Variants in PTK2 observed in about 807,000 individuals in gnomAD.
The protein encoded by PTK2 is focal adhesion kinase 1.
Under a neutral mutation model 150.1 loss-of-function variants are expected in PTK2, and 45 were observed. That is an observed-to-expected ratio of 0.30 (90% CI 0.24 to 0.38). PTK2 has a LOEUF of 0.38. PTK2 is among the 10% of genes least tolerant of loss of function. The probability of loss-of-function intolerance (pLI) is 1.00; values close to 1 mark genes in which losing one functional copy is unlikely to be tolerated. For synonymous variants in PTK2, 432 were observed against 449.2 expected, an observed-to-expected ratio of 0.96 and a Z score of 0.48; for missense variants, 919 against 1,307.3, an observed-to-expected ratio of 0.70 and a Z score of 4.58.
intron 10 of PTK2, among the ~76,000 whole-genome samples, chr8:140,817,580 C>T (rs993114808): frequency 2.6e-5 from 4 of 152,186 alleles, no homozygotes; most frequent in African/African-American, 9.7e-5. Flanking sequence ...TACTTTTCAT[C>T]TCGGTACTTA....
chr8:140,757,335 C>G (rs768201329), intron 16 of PTK2, among the ~76,000 whole-genome samples: 76 of 152,074 alleles, frequency 5.0e-4, no homozygotes, highest in Middle Eastern at 3.4e-3. Flanking sequence ...TACTTTGCCT[C>G]AAAGGGCAGA....
intron 10 of PTK2, among the ~76,000 whole-genome samples, chr8:140,807,836 C>T (rs971621972): frequency 6.6e-6 from 1 of 152,176 alleles, no homozygotes; most frequent in Non-Finnish European, 1.5e-5. Flanking sequence ...AGGCTTACAT[C>T]GTATTGCTGT....
At chr8:140,818,782 CAA>C (rs1277986242) in intron 9 of PTK2, 96 bp downstream of exon 9, 6 of 1,296,814 alleles carry the variant, frequency 4.6e-6, no homozygotes, top group Admixed American at 5.3e-5. Context: ...AAAAATGGGA[CAA>C]GTTAGCATTT....
chr8:140,700,487 GTTTT>G (rs199884182), intron 26 of PTK2, among the ~76,000 whole-genome samples: 1 of 140,340 alleles, frequency 7.1e-6, no homozygotes, highest in Non-Finnish European at 1.6e-5. Flanking sequence ...ATTTCAAGTA[GTTTT>G]TTTTTTTTTT....
intron 17 of PTK2, among the ~76,000 whole-genome samples, chr8:140,749,159 C>T (rs1300756042): frequency 6.6e-6 from 1 of 151,972 alleles, no homozygotes; most frequent in Non-Finnish European, 1.5e-5. Flanking sequence ...TTTTTTTCAA[C>T]AAACATCACC....
At chr8:140,796,366 C>A (rs1035043882) in intron 12 of PTK2, among the ~76,000 whole-genome samples, 1 of 152,134 alleles carries the variant, frequency 6.6e-6, no homozygotes, top group African/African-American at 2.4e-5. Context: ...TTTAGAGTAA[C>A]TGAAAAGTCC....
In PTK2 at chr8:140,924,841, C is replaced by T. The variant is rs79853287; in HGVS notation, c.-33+820G>A. 9.7e-3 allele frequency among the ~76,000 whole-genome samples: 1,481 copies of T among 152,156 alleles called. 28 individuals are homozygous for T. Among genetic ancestry groups the T allele is most frequent in the East Asian group, 0.094 (485 of 5,178 alleles). On this transcript the variant is annotated intron_variant, in intron 2 of 31. Coordinates refer to ENST00000522684, the Ensembl canonical transcript of PTK2. ...ACTGATACTATTAAAACTTTCACCG[C>T]AAATTTTAATAGAGCACAAATGAAA...
chr8:140,896,620 A>G (rs1367801581), intron 2 of PTK2, among the ~76,000 whole-genome samples: 2 of 152,252 alleles, frequency 1.3e-5, no homozygotes, highest in Non-Finnish European at 2.9e-5. Flanking sequence ...GAGATTTCAT[A>G]TATCTGACAA....
chr8:140,908,729 G>A (rs146761896), intron 2 of PTK2, among the ~76,000 whole-genome samples: 1 of 152,198 alleles, frequency 6.6e-6, no homozygotes, highest in East Asian at 1.9e-4. Context: ...CCTCAGAAGG[G>A]GCCAATTCTC....
intron 28 of PTK2, among the ~76,000 whole-genome samples, chr8:140,674,934 T>C (rs937151675): frequency 3.5e-5 from 5 of 143,046 alleles, no homozygotes; most frequent in Non-Finnish European, 7.6e-5. Context: ...TAGCCAGGCA[T>C]GGTGGTGTGC....
chr8:140,789,428 AC>A, intron 14 of PTK2, 45 bp downstream of exon 14: 1 of 1,586,064 alleles, frequency 6.3e-7, no homozygotes, highest in Non-Finnish European at 8.6e-7. Flanking sequence ...TGATCGTCTT[AC>A]CCCATGAGAG....
chr8:140,960,539 C>T lies in PTK2; in HGVS notation c.-121-34790G>A, dbSNP rs556317042. ...AACCCTTAAAAAAAGAATAAGTAAT[C>T]AAGGCAAGATAAACTAGGATGAATC... On this transcript the variant is annotated intron_variant, in intron 1 of 31. Coordinates refer to ENST00000522684, the Ensembl canonical transcript of PTK2. Among the ~76,000 whole-genome samples the T allele has an allele frequency of 1.4e-3, 215 of 152,112 alleles. 1 individual carries two copies. Among genetic ancestry groups the T allele is most frequent in the African/African-American group, 5.0e-3 (209 of 41,506 alleles).
intron 14 of PTK2, among the ~76,000 whole-genome samples, chr8:140,784,126 C>G (rs2100083475): frequency 6.6e-6 from 1 of 152,324 alleles, no homozygotes; most frequent in South Asian, 2.1e-4. Context: ...GATCACACCA[C>G]TGCATTCCAG....
chr8:140,802,119 A>G (rs1261542823), intron 11 of PTK2, among the ~76,000 whole-genome samples: 1 of 151,994 alleles, frequency 6.6e-6, no homozygotes, highest in Non-Finnish European at 1.5e-5. Context: ...AGCCTCAGGC[A>G]GGGCTTCTAG....
chr8:140,691,562 C>T (rs2100023230), intron 26 of PTK2, among the ~76,000 whole-genome samples: 1 of 152,194 alleles, frequency 6.6e-6, no homozygotes, highest in African/African-American at 2.4e-5. Flanking sequence ...TCCATGAAGA[C>T]AGAGGCTATG....
chr8:140,990,106 G>C (rs1387743369), intron 1 of PTK2, among the ~76,000 whole-genome samples: 1 of 152,030 alleles, frequency 6.6e-6, no homozygotes, highest in Non-Finnish European at 1.5e-5. Flanking sequence ...ACAAGTAACA[G>C]AAGAATCACT....
At position 140,873,496 on chromosome 8, in the gene PTK2, C is replaced by T. The variant is rs539133186; in HGVS notation, c.362+5975G>A. ...TTTTTCTGTTTTTGAGACGGAGTCT[C>T]GCTCTGTCGCCTAGGCTGGAGTGGA... On this transcript the variant is annotated intron_variant, in intron 4 of 31. Transcript: ENST00000522684. Among the ~76,000 whole-genome samples the T allele has an allele frequency of 4.6e-5, 7 of 152,040 alleles. No individual in the cohort carries two copies. In the South Asian group the frequency reaches 8.3e-4, roughly 18 times the overall value.
chr8:140,673,666 C>T (rs781133230), intron 29 of PTK2, among the ~76,000 whole-genome samples: 48 of 152,144 alleles, frequency 3.2e-4, no homozygotes, highest in Non-Finnish European at 6.6e-4. Flanking sequence ...CTAGTGGCTC[C>T]AGCACTCGGT....
intron 1 of PTK2, among the ~76,000 whole-genome samples, chr8:140,940,892 C>A (rs1273638907): frequency 4.6e-5 from 7 of 152,028 alleles, no homozygotes; most frequent in Non-Finnish European, 8.8e-5. Context: ...ATTGCTTGAA[C>A]CCAGGAGGCA....
Sources: allele counts gnomAD v4.1 joint callset (sites outside exome capture counted in the v4.1 genomes callset), GRCh38; gene constraint gnomAD v4.1.1; transcripts MANE v1.5; gene names NCBI Gene and HGNC (gene_info 2026-07-23, HGNC 2026-07-21).